ALCAM: variants seen among roughly 807,000 people sequenced by gnomAD.
The protein encoded by ALCAM is CD166 antigen.
A neutral mutation model predicts 70.9 loss-of-function variants in ALCAM; 30 were observed. The observed-to-expected ratio is 0.42, with a 90% CI of 0.32 to 0.57. ALCAM has a LOEUF of 0.57. Ranked by LOEUF, ALCAM falls within the 20% of genes least tolerant of loss-of-function variation. The pLI is 0.11. For missense variants in ALCAM, 591 were observed against 695.1 expected (o/e 0.85, Z 1.68); for synonymous variants, 249 against 242.5 (o/e 1.03, Z -0.25).
intron 14 of ALCAM, among the ~76,000 whole-genome samples, chr3:105,569,318 G>A (rs968645683): frequency 2.2e-4 from 34 of 152,128 alleles, no homozygotes; most frequent in African/African-American, 8.2e-4. Flanking sequence ...AGAAAAAAGA[G>A]AGGAGAGAAG....
At chr3:105,392,074 GCTGGTCTCACAAAA>G (rs767978047) in intron 1 of ALCAM, among the ~76,000 whole-genome samples, 22 of 151,906 alleles carry the variant, frequency 1.4e-4, no homozygotes, top group Non-Finnish European at 3.1e-4. Flanking sequence ...TCACGATAAT[GCTGGTCTCACAAAA>G]TGAGTTAGGA....
At position 105,499,099 on chromosome 3, in the gene ALCAM, A is replaced by G. The variant is rs146348203; in HGVS notation, c.74-20968A>G. On this transcript the variant is annotated intron_variant, in intron 1 of 15. Transcript: ENST00000306107. ...TTACAATAGTACAATATCACTAGAT[A>G]TCTTCTAAGTTCAGTGATTAAAATG... Among the ~76,000 whole-genome samples, 517 of 152,324 alleles carry G rather than the reference A, an allele frequency of 3.4e-3. 1 individual carries two copies. The highest frequency in any genetic ancestry group is 0.011 in the African/African-American group (444 of 41,586).
chr3:105,564,969 G>A (rs1218216901), intron 14 of ALCAM, among the ~76,000 whole-genome samples: 7 of 152,150 alleles, frequency 4.6e-5, no homozygotes, highest in Non-Finnish European at 1.0e-4. Context: ...GACAGAGGTT[G>A]CAGTGAGCCA....
chr3:105,448,462 C>T (rs534843410), intron 1 of ALCAM, among the ~76,000 whole-genome samples: 16 of 151,522 alleles, frequency 1.1e-4, no homozygotes, highest in Admixed American at 3.3e-4. Context: ...AGCTCTGTAA[C>T]ATCTTGCCTC....
chr3:105,417,828 T>C (rs924029947), intron 1 of ALCAM, among the ~76,000 whole-genome samples: 1 of 151,886 alleles, frequency 6.6e-6, no homozygotes, highest in African/African-American at 2.4e-5. Flanking sequence ...TCTTAGGACA[T>C]ACAGAAGATA....
intron 5 of ALCAM, among the ~76,000 whole-genome samples, chr3:105,534,155 A>G (rs1382556609): frequency 6.6e-6 from 1 of 152,152 alleles, no homozygotes; most frequent in Non-Finnish European, 1.5e-5. Context: ...GAGCTCAGTC[A>G]GTAATGTGAG....
Position 105,415,305 on chromosome 3 carries a change from T to C in ALCAM, c.73+47824T>C, listed in dbSNP as rs145937529. Among the ~76,000 whole-genome samples, 571 of 152,286 alleles carry C rather than the reference T, an allele frequency of 3.7e-3. 1 individual carries two copies. The highest frequency in any genetic ancestry group is 6.6e-3 in the Non-Finnish European group (447 of 68,012). On this transcript the variant is annotated intron_variant, in intron 1 of 15. Coordinates refer to ENST00000306107, the MANE Select transcript of ALCAM (RefSeq NM_001627.4). ...TCAAAAAGAACAAGTATGGAACATA[T>C]GGTTTTCCTGATACAAATAAATCTT...
At chr3:105,561,634 G>T (rs570850367) in intron 14 of ALCAM, among the ~76,000 whole-genome samples, 9 of 152,230 alleles carry the variant, frequency 5.9e-5, no homozygotes, top group African/African-American at 2.2e-4. Context: ...AGAGGGAAGA[G>T]TACACTCAAG....
intron 1 of ALCAM, among the ~76,000 whole-genome samples, chr3:105,445,734 A>G (rs896733500): frequency 6.6e-6 from 1 of 152,174 alleles, no homozygotes; most frequent in Non-Finnish European, 1.5e-5. Context: ...TGAAGAAAGG[A>G]CAGTCTTTCA....
chr3:105,395,644 TC>T (rs1479181394), intron 1 of ALCAM, among the ~76,000 whole-genome samples: 2 of 151,988 alleles, frequency 1.3e-5, no homozygotes, highest in Non-Finnish European at 2.9e-5. Flanking sequence ...ATCAACAGGA[TC>T]TAGCTTAAGC....
At position 105,455,184 on chromosome 3, in the gene ALCAM, G is replaced by T. The variant is rs534554378; in HGVS notation, c.74-64883G>T. ...TGGCCGGGCACGGTGGCTCAAGTCT[G>T]TAATCCCAGCTCTTTGGGAGGCCGA... is the stretch of plus-strand genomic sequence containing the variant. On this transcript the variant is annotated intron_variant, in intron 1 of 15. Coordinates refer to ENST00000306107, the MANE Select transcript of ALCAM (RefSeq NM_001627.4). Among the ~76,000 whole-genome samples, 65 of 151,996 alleles carry T rather than the reference G, an allele frequency of 4.3e-4. 1 individual carries two copies. The highest frequency in any genetic ancestry group is 1.5e-3 in the African/African-American group (63 of 41,508).
chr3:105,559,045 C>T (rs1225117191), intron 14 of ALCAM, among the ~76,000 whole-genome samples: 1 of 151,830 alleles, frequency 6.6e-6, no homozygotes, highest in Non-Finnish European at 1.5e-5. Flanking sequence ...CCCACGGTAA[C>T]TTACTATGAT....
At chr3:105,489,883 T>C (rs886701568) in intron 1 of ALCAM, among the ~76,000 whole-genome samples, 5 of 152,230 alleles carry the variant, frequency 3.3e-5, no homozygotes, top group African/African-American at 1.2e-4. Context: ...TATTCTTTGT[T>C]ACATATTACT....
intron 1 of ALCAM, among the ~76,000 whole-genome samples, chr3:105,485,820 A>G (rs1343203439): frequency 6.6e-6 from 1 of 152,106 alleles, no homozygotes; most frequent in Non-Finnish European, 1.5e-5. Flanking sequence ...TGTAAGGTCA[A>G]TTTAGTAAAA....
At chr3:105,452,605 G>T (rs1937455706) in intron 1 of ALCAM, among the ~76,000 whole-genome samples, 1 of 152,128 alleles carries the variant, frequency 6.6e-6, no homozygotes, top group Non-Finnish European at 1.5e-5. Flanking sequence ...TGGGATTGCT[G>T]GGTCAAATGA....
chr3:105,451,383 A>C (rs1937424584), intron 1 of ALCAM, among the ~76,000 whole-genome samples: 1 of 152,042 alleles, frequency 6.6e-6, no homozygotes. Flanking sequence ...AAGAAAGAGA[A>C]AGAAGGAAAA....
At chr3:105,432,221 TTTAAA>T (rs1247387745) in intron 1 of ALCAM, among the ~76,000 whole-genome samples, 1 of 152,170 alleles carries the variant, frequency 6.6e-6, no homozygotes, top group African/African-American at 2.4e-5. Context: ...TTAGGGTTTG[TTTAAA>T]TTAAGCTTTA....
At chr3:105,549,088 G>C (rs1038798954) in intron 11 of ALCAM, among the ~76,000 whole-genome samples, 20 of 151,386 alleles carry the variant, frequency 1.3e-4, no homozygotes, top group African/African-American at 4.8e-4. Flanking sequence ...AAAAATCCTA[G>C]TACGAAGTGA....
chr3:105,458,477 T>A (rs1937562869), intron 1 of ALCAM, among the ~76,000 whole-genome samples: 1 of 152,166 alleles, frequency 6.6e-6, no homozygotes, highest in Admixed American at 6.5e-5. Context: ...CTGCTCTAAT[T>A]GGATGTTTTG....
Sources: allele counts gnomAD v4.1 joint callset (sites outside exome capture counted in the v4.1 genomes callset), GRCh38; gene constraint gnomAD v4.1.1; transcripts MANE v1.5; gene names NCBI Gene and HGNC (gene_info 2026-07-23, HGNC 2026-07-21).